KCNAB1: variants seen among roughly 807,000 people sequenced by gnomAD.
KCNAB1 encodes the protein potassium voltage-gated channel subfamily A regulatory beta subunit 1, also known as voltage-gated potassium channel subunit beta-1.
KCNAB1 carries 35 observed loss-of-function variants against 64.6 expected under a neutral mutation model. That is an observed-to-expected ratio of 0.54 (90% CI 0.41 to 0.72). KCNAB1 has a LOEUF of 0.72. Among genes scored for constraint, KCNAB1 ranks in the 30% least tolerant of loss-of-function variants. The pLI is 0.00. For synonymous variants in KCNAB1, 177 were observed against 183.8 expected (o/e 0.96, Z 0.30); for missense variants, 401 against 512.9 (o/e 0.78, Z 2.11).
At chr3:156,424,338 T>A (rs1715676668) in intron 2 of KCNAB1, among the ~76,000 whole-genome samples, 1 of 151,880 alleles carries the variant, frequency 6.6e-6, no homozygotes, top group African/African-American at 2.4e-5. Context: ...AATGTCTGAG[T>A]TTTTCTGATT....
chr3:156,344,737 G>GA (rs932605299), intron 1 of KCNAB1, among the ~76,000 whole-genome samples: 6 of 151,972 alleles, frequency 3.9e-5, no homozygotes, highest in African/African-American at 1.4e-4. Context: ...TTTAAATGAG[G>GA]AAAAAAATAA....
chr3:156,154,384 G>A (rs990348891), intron 1 of KCNAB1, among the ~76,000 whole-genome samples: 8 of 151,914 alleles, frequency 5.3e-5, no homozygotes, highest in South Asian at 2.1e-4. Context: ...TCCTCATTTC[G>A]CCTTTCCATC....
intron 1 of KCNAB1, among the ~76,000 whole-genome samples, chr3:156,154,539 C>G (rs1715607810): frequency 6.6e-6 from 1 of 152,108 alleles, no homozygotes; most frequent in African/African-American, 2.4e-5. Context: ...GATTTTCTGT[C>G]TATTCAGTAA....
chr3:156,368,997 A>G (rs983381273), intron 1 of KCNAB1, among the ~76,000 whole-genome samples: 1 of 151,998 alleles, frequency 6.6e-6, no homozygotes, highest in African/African-American at 2.4e-5. Flanking sequence ...TCTTCAATGT[A>G]CAACTTGTTA....
At chr3:156,356,004 C>T (rs1391304550) in intron 1 of KCNAB1, among the ~76,000 whole-genome samples, 4 of 151,420 alleles carry the variant, frequency 2.6e-5, no homozygotes, top group African/African-American at 7.3e-5. Flanking sequence ...CACCTGTAGT[C>T]CCAGCTACTT....
At chr3:156,259,135 A>G (rs1381349033) in intron 1 of KCNAB1, among the ~76,000 whole-genome samples, 1 of 152,188 alleles carries the variant, frequency 6.6e-6, no homozygotes, top group African/African-American at 2.4e-5. Context: ...GAAGCAAACC[A>G]TTTCAACACC....
At chr3:156,481,832 G>A (rs971737430) in intron 8 of KCNAB1, among the ~76,000 whole-genome samples, 2 of 152,092 alleles carry the variant, frequency 1.3e-5, no homozygotes, top group Non-Finnish European at 2.9e-5. Context: ...TGAAAACAGA[G>A]GAAACATAAA....
rs1715454011 is a variant in KCNAB1 at position 156,152,203 on chromosome 3, C to G, written c.275+31317C>G. ...CTACATAAATCCGGTCCCCTGTGTC[C>G]CTGTGCTCAGCACATCCCCTGAGGG... On this transcript the variant is annotated intron_variant, in intron 1 of 13. Coordinates refer to ENST00000490337, the MANE Select transcript of KCNAB1 (RefSeq NM_172160.3). Among the ~76,000 whole-genome samples, 3 of 152,312 alleles carry G rather than the reference C, an allele frequency of 2.0e-5. No individual in the cohort carries two copies. In the South Asian group the frequency reaches 6.2e-4, roughly 32 times the overall value.
At chr3:156,325,567 TAATA>T (rs1722920069) in intron 1 of KCNAB1, among the ~76,000 whole-genome samples, 1 of 151,262 alleles carries the variant, frequency 6.6e-6, no homozygotes, top group African/African-American at 2.4e-5. Flanking sequence ...TTTTATATAT[TAATA>T]AATGTATATT....
intron 1 of KCNAB1, among the ~76,000 whole-genome samples, chr3:156,272,630 G>T (rs1435912468): frequency 6.6e-6 from 1 of 152,050 alleles, no homozygotes; most frequent in African/African-American, 2.4e-5. Flanking sequence ...GCTCAGGGTA[G>T]GTTCAGAAAT....
At chr3:156,415,651 C>T (rs1381766444) in intron 1 of KCNAB1, among the ~76,000 whole-genome samples, 1 of 152,202 alleles carries the variant, frequency 6.6e-6, no homozygotes, top group Non-Finnish European at 1.5e-5. Context: ...GGCTTCTCCA[C>T]AGACACTTTC....
chr3:156,536,666 A>G lies in KCNAB1; in HGVS notation c.1179A>G (p.Pro393=). ...IENLGAIQVL[P]KMTSHVVNEI... ...TCTCCTCCTGCTCTCAGGTTCTCCC[A>G]AAGATGACATCACATGTGGTAAATG... is the stretch of plus-strand genomic sequence containing the variant. Residue 393 remains proline, a synonymous_variant, in exon 14 of 14, where the codon CCA becomes CCG. Coordinates refer to ENST00000490337, the MANE Select transcript of KCNAB1 (RefSeq NM_172160.3). 6.2e-7 allele frequency: 1 copy of G among 1,610,848 alleles called. No homozygotes were observed. The highest frequency in any genetic ancestry group is 8.5e-7 in the Non-Finnish European group (1 of 1,176,948).
chr3:156,176,078 G>A, intron 1 of KCNAB1: 2 of 770,230 alleles, frequency 2.6e-6, no homozygotes, highest in South Asian at 2.7e-5. Context: ...TCAAAGTTGT[G>A]CACATTTCCT....
At chr3:156,293,121 C>T (rs1417974949) in intron 1 of KCNAB1, among the ~76,000 whole-genome samples, 1 of 152,200 alleles carries the variant, frequency 6.6e-6, no homozygotes, top group Non-Finnish European at 1.5e-5. Flanking sequence ...TCTAATAGGG[C>T]ATGACTTACA....
At chr3:156,281,978 T>C (rs1719757207) in intron 1 of KCNAB1, among the ~76,000 whole-genome samples, 1 of 151,162 alleles carries the variant, frequency 6.6e-6, no homozygotes, top group Non-Finnish European at 1.5e-5. Context: ...AGTTCTGCTC[T>C]GATTTTAGTT....
At chr3:156,359,170 C>A (rs1324424719) in intron 1 of KCNAB1, among the ~76,000 whole-genome samples, 1 of 152,108 alleles carries the variant, frequency 6.6e-6, no homozygotes, top group Non-Finnish European at 1.5e-5. Context: ...TCTGTTGGTA[C>A]TTATTAAAAA....
chr3:156,525,368 A>C (rs1454704246), intron 12 of KCNAB1, among the ~76,000 whole-genome samples: 3 of 152,072 alleles, frequency 2.0e-5, no homozygotes, highest in Non-Finnish European at 2.9e-5. Flanking sequence ...TTTTTAACAA[A>C]AAAAAAAAAG....
chr3:156,148,835 A>G (rs1374989532), intron 1 of KCNAB1, among the ~76,000 whole-genome samples: 1 of 146,558 alleles, frequency 6.8e-6, no homozygotes, highest in Non-Finnish European at 1.5e-5. Flanking sequence ...CCCTCCTTTC[A>G]TCACTTGCTT....
chr3:156,137,712 A>ATTTT (rs66960245), intron 1 of KCNAB1, among the ~76,000 whole-genome samples: 5 of 141,060 alleles, frequency 3.5e-5, no homozygotes, highest in African/African-American at 8.0e-5. Context: ...CGTCTGGCTA[A>ATTTT]TTTTTTTTTT....
Sources: allele counts gnomAD v4.1 joint callset (sites outside exome capture counted in the v4.1 genomes callset), GRCh38; gene constraint gnomAD v4.1.1; transcripts MANE v1.5; gene names NCBI Gene and HGNC (gene_info 2026-07-23, HGNC 2026-07-21).